Variants in TTC23L observed in about 807,000 individuals in gnomAD.
TTC23L encodes tetratricopeptide repeat domain 23 like.
Under a neutral mutation model 48.1 loss-of-function variants are expected in TTC23L, and 42 were observed. The observed-to-expected ratio is 0.87, with a 90% CI of 0.68 to 1.13. The LOEUF is 1.13. Among genes scored for constraint, TTC23L ranks in the 50% most tolerant of loss-of-function variants. The probability of loss-of-function intolerance (pLI) is 0.00; values close to 1 mark genes in which losing one functional copy is unlikely to be tolerated. For missense variants in TTC23L, 391 were observed against 421.0 expected (o/e 0.93, Z 0.62); for synonymous variants, 159 against 157.2 (o/e 1.01, Z -0.09).
intron 2 of TTC23L, among the ~76,000 whole-genome samples, chr5:34,842,264 A>G (rs1758748173): frequency 6.6e-6 from 1 of 152,168 alleles, no homozygotes; most frequent in Non-Finnish European, 1.5e-5. Context: ...CATATTTTAC[A>G]TTTACAGCAC....
chr5:34,903,347 T>TA (rs1338139787), downstream of TTC23L, among the ~76,000 whole-genome samples: 3 of 151,930 alleles, frequency 2.0e-5, no homozygotes, highest in Non-Finnish European at 4.4e-5. Context: ...TTTAGGTTCA[T>TA]AAAAAAAATT....
intron 8 of TTC23L, among the ~76,000 whole-genome samples, chr5:34,877,504 A>G (rs1005138371): frequency 6.6e-6 from 1 of 151,566 alleles, no homozygotes; most frequent in Non-Finnish European, 1.5e-5. Flanking sequence ...GCTCACTGCA[A>G]TCTCTGCCTT....
the TTC23L span, among the ~76,000 whole-genome samples, chr5:34,909,835 A>G: frequency 7.9e-5 from 12 of 152,296 alleles, 1 homozygote; most frequent in African/African-American, 2.9e-4. Flanking sequence ...GACAATTTAT[A>G]AGTGTTAACA....
the TTC23L span, chr5:34,907,294 G>A: frequency 6.6e-6 from 1 of 152,200 alleles, no homozygotes; most frequent in Non-Finnish European, 1.5e-5. Flanking sequence ...TTATTTGGGG[G>A]AGGTGGGGTG....
intron 9 of TTC23L, among the ~76,000 whole-genome samples, chr5:34,889,521 C>T (rs551823375): frequency 1.3e-5 from 2 of 152,142 alleles, no homozygotes; most frequent in Non-Finnish European, 1.5e-5. Flanking sequence ...ATCCACACCC[C>T]CTTCAGTCAG....
intron 4 of TTC23L, 79 bp from the exon 5 acceptor site, chr5:34,862,819 C>G: frequency 6.4e-7 from 1 of 1,553,328 alleles, no homozygotes; most frequent in Non-Finnish European, 8.8e-7. Flanking sequence ...CCCACTTTAT[C>G]CCCTCCCAGG....
intron 6 of TTC23L, among the ~76,000 whole-genome samples, chr5:34,865,490 T>G (rs1760984192): frequency 6.6e-6 from 1 of 152,202 alleles, no homozygotes; most frequent in Admixed American, 6.5e-5. Flanking sequence ...TTTTTCTGCC[T>G]TATGTGAAAG....
chr5:34,851,401 G>GCT (rs926509368), intron 4 of TTC23L, among the ~76,000 whole-genome samples: 1 of 152,082 alleles, frequency 6.6e-6, no homozygotes, highest in Admixed American at 6.6e-5. Context: ...CCTTCTTAGG[G>GCT]CTCTATAGGC....
intron 1 of TTC23L, 138 bp from the exon 2 acceptor site, chr5:34,840,527 G>GTT (rs1276462059): frequency 4.3e-6 from 3 of 691,862 alleles, no homozygotes; most frequent in Non-Finnish European, 7.7e-6. Flanking sequence ...CCATATCTAA[G>GTT]TATGCGTAGT....
exon 8 of TTC23L, chr5:34,868,914 G>T (rs765800849): frequency 6.2e-7 from 1 of 1,606,864 alleles, no homozygotes; most frequent in Non-Finnish European, 8.5e-7. Flanking sequence ...GGCTCATTCT[G>T]TCTGTGTTTC....
chr5:34,840,699 A>G lies in TTC23L; in HGVS notation c.28A>G (p.Thr10Ala), dbSNP rs370829596. The change falls in exon 2 of 11, where the codon ACT becomes GCT. Residue 10 changes from threonine to alanine, a missense_variant. Coordinates refer to ENST00000505624, the Ensembl canonical transcript of TTC23L. ...GCAAGCCAGCCCCATCCGTATCCCAACTGTTAGCAATGACATCGACTGGGA... is the reference window on the plus strand; with the variant it reads ...GCAAGCCAGCCCCATCCGTATCCCAGCTGTTAGCAATGACATCGACTGGGA... 1.2e-5 allele frequency: 19 copies of G among 1,613,854 alleles called. No homozygotes were observed. The African/African-American group carries it at 1.6e-4, about 14-fold the overall frequency.
intron 9 of TTC23L, among the ~76,000 whole-genome samples, chr5:34,894,996 T>C (rs1340665257): frequency 2.0e-5 from 3 of 152,076 alleles, no homozygotes; most frequent in Non-Finnish European, 2.9e-5. Flanking sequence ...TATTGGCAAA[T>C]AGAAAATAAT....
chr5:34,869,878 A>C (rs890433689), intron 8 of TTC23L: 1 of 152,134 alleles, frequency 6.6e-6, no homozygotes, highest in Non-Finnish European at 1.5e-5. Context: ...TTTTTTAAGC[A>C]TAAACATCCA....
chr5:34,911,675 T>C, the TTC23L span: 1 of 1,614,198 alleles, frequency 6.2e-7, no homozygotes, highest in African/African-American at 1.3e-5. Context: ...ACATTGGTGC[T>C]GCAGAAATCA....
the TTC23L span, among the ~76,000 whole-genome samples, chr5:34,923,864 T>G: frequency 6.6e-6 from 1 of 152,220 alleles, no homozygotes; most frequent in African/African-American, 2.4e-5. Context: ...CCTACTTCTA[T>G]TCATGACTGT....
chr5:34,900,035 C>G (rs1235896316), downstream of TTC23L, among the ~76,000 whole-genome samples: 7 of 152,292 alleles, frequency 4.6e-5, no homozygotes, highest in Non-Finnish European at 8.8e-5. Context: ...TTTTCTAACT[C>G]TATTCCTTTC....
chr5:34,901,557 G>GT (rs540253349), downstream of TTC23L, among the ~76,000 whole-genome samples: 14 of 152,312 alleles, frequency 9.2e-5, 1 homozygote, highest in South Asian at 2.9e-3. Flanking sequence ...GAGGTCAGGA[G>GT]TTTGAGACCA....
chr5:34,922,766 C>T, the TTC23L span: 19 of 1,613,300 alleles, frequency 1.2e-5, no homozygotes, highest in East Asian at 3.3e-4. Flanking sequence ...GTCTTTTGAC[C>T]CTGTAAGTTT....
intron 3 of TTC23L, among the ~76,000 whole-genome samples, chr5:34,848,666 AAG>A (rs1427242680): frequency 2.6e-5 from 4 of 152,188 alleles, no homozygotes; most frequent in Non-Finnish European, 4.4e-5. Flanking sequence ...AATGACATGG[AAG>A]AGTGTCCCAA....
Sources: allele counts gnomAD v4.1 joint callset (sites outside exome capture counted in the v4.1 genomes callset), GRCh38; gene constraint gnomAD v4.1.1; transcripts MANE v1.5; gene names NCBI Gene and HGNC (gene_info 2026-07-23, HGNC 2026-07-21).